GPR155: variants seen among roughly 807,000 people sequenced by gnomAD.
GPR155 encodes the protein lysosomal cholesterol signaling protein.
A neutral mutation model predicts 93.1 loss-of-function variants in GPR155; 65 were observed. The ratio of observed to expected loss-of-function variants is 0.70; its 90% CI spans 0.57 to 0.86. The LOEUF is 0.86. GPR155 is among the 40% of genes least tolerant of loss of function. The pLI is 0.00. For synonymous variants in GPR155, 319 were observed against 360.1 expected (o/e 0.89, Z 1.29); for missense variants, 838 against 1,034.8 (o/e 0.81, Z 2.61).
At chr2:174,467,797 G>A (rs1050227411) in intron 5 of GPR155, among the ~76,000 whole-genome samples, 1 of 152,088 alleles carries the variant, frequency 6.6e-6, no homozygotes, top group African/African-American at 2.4e-5. Flanking sequence ...GTGCAGTGGT[G>A]CGATCTCGGC....
rs562996474 is a variant in GPR155, at chr2:174,432,535, T to C, written c.*3581A>G. On this transcript the variant is annotated 3_prime_UTR_variant, in exon 16 of 16. Coordinates refer to ENST00000392552, the MANE Select transcript of GPR155 (RefSeq NM_152529.7). ...GCATGCATGTGAATTAACATCTTTATTACTGTAACTAGAAAAATCTCCTGG... is the reference window on the plus strand; with the variant it reads ...GCATGCATGTGAATTAACATCTTTACTACTGTAACTAGAAAAATCTCCTGG... 2.6e-5 allele frequency: 4 copies of C among 152,288 alleles called. No homozygotes were observed. Among genetic ancestry groups the C allele is most frequent in the Admixed American group, 2.0e-4 (3 of 15,296 alleles). 9.4% of individuals were successfully genotyped at this position (152,288 alleles called of 1,614,324 possible).
In GPR155 at chr2:174,445,064, T is replaced by C. The variant is rs34291465; in HGVS notation, c.2109+17A>G. On this transcript the variant is annotated intron_variant, in intron 13 of 15. Coordinates refer to ENST00000392552, the MANE Select transcript of GPR155 (RefSeq NM_152529.7). The stretch of plus-strand genomic sequence containing the variant: ...CAGGAAGACAAAAACCCCTCAAAGT[T>C]CTCCATAAATAAATACCTGACCAAA... 393,053 of 1,332,322 alleles carry C rather than the reference T, an allele frequency of 0.3. 63,451 individuals carry two copies. The highest frequency in any genetic ancestry group is 0.45 in the Middle Eastern group (2,488 of 5,518). The allele number at this position is 1,332,322 out of a possible 1,614,324, so 82.5% of individuals were successfully genotyped here.
At chr2:174,463,324 CT>C (rs1296387761) in intron 7 of GPR155, among the ~76,000 whole-genome samples, 4 of 152,106 alleles carry the variant, frequency 2.6e-5, no homozygotes, top group South Asian at 4.2e-4. Context: ...CCTCAGCCTC[CT>C]GAGTAGCTGG....
chr2:174,448,412 A>G (rs1479461159), intron 11 of GPR155, among the ~76,000 whole-genome samples: 2 of 152,204 alleles, frequency 1.3e-5, no homozygotes, highest in African/African-American at 4.8e-5. Context: ...GAATCCTAGA[A>G]GAAAACCTAG....
At chr2:174,447,048 A>T (rs1382488168) in intron 11 of GPR155, among the ~76,000 whole-genome samples, 1 of 152,092 alleles carries the variant, frequency 6.6e-6, no homozygotes, top group East Asian at 1.9e-4. Context: ...AAAATTATAC[A>T]TAATTTGCCT....
intron 10 of GPR155, among the ~76,000 whole-genome samples, chr2:174,458,456 C>A (rs981684594): frequency 6.6e-6 from 1 of 152,150 alleles, no homozygotes; most frequent in African/African-American, 2.4e-5. Context: ...TTAGGTAATA[C>A]CCACAATTAT....
intron 2 of GPR155, among the ~76,000 whole-genome samples, chr2:174,475,799 C>T (rs931745982): frequency 6.6e-6 from 1 of 152,124 alleles, no homozygotes; most frequent in African/African-American, 2.4e-5. Context: ...TGCCCACCAA[C>T]TTTTATAATA....
intron 7 of GPR155, 142 bp downstream of exon 7, chr2:174,465,643 C>A (rs906934770): frequency 1.9e-6 from 1 of 520,568 alleles, no homozygotes; most frequent in Admixed American, 3.4e-5. Flanking sequence ...TGCCGATGGC[C>A]TCTGTGGGTG....
At chr2:174,451,659 T>A (rs1687324751) in intron 11 of GPR155, among the ~76,000 whole-genome samples, 1 of 152,180 alleles carries the variant, frequency 6.6e-6, no homozygotes, top group African/African-American at 2.4e-5. Context: ...AATGATCAAC[T>A]TTTTGTTTGT....
chr2:174,435,989 A>G lies in GPR155; in HGVS notation c.*127T>C. ...ATGTGGTGGGAGCACATCTTTTCAC[A>G]TTTTACAGAAGAGACAACTGAGGCT... On this transcript the variant is annotated 3_prime_UTR_variant, in exon 16 of 16. Coordinates refer to ENST00000392552, the MANE Select transcript of GPR155 (RefSeq NM_152529.7). The G allele has an allele frequency of 5.7e-6, 4 of 699,974 alleles. No individual in the cohort carries two copies. In the East Asian group the frequency reaches 7.9e-5, roughly 14 times the overall value. The allele number at this position is 699,974 out of a possible 1,614,324, so 43.4% of individuals were successfully genotyped here.
intron 11 of GPR155, among the ~76,000 whole-genome samples, chr2:174,450,007 G>A (rs546172048): frequency 6.6e-5 from 10 of 151,864 alleles, no homozygotes; most frequent in South Asian, 2.1e-4. Flanking sequence ...TTAGCCAGGC[G>A]TGGTTGCACA....
At chr2:174,460,473 C>T (rs777046890) in intron 9 of GPR155, among the ~76,000 whole-genome samples, 18 of 151,986 alleles carry the variant, frequency 1.2e-4, no homozygotes, top group African/African-American at 2.4e-4. Context: ...TCTTAGGGCA[C>T]GTTTTTGATG....
intron 7 of GPR155, among the ~76,000 whole-genome samples, chr2:174,463,538 G>C (rs1163499715): frequency 6.6e-6 from 1 of 152,160 alleles, no homozygotes; most frequent in Non-Finnish European, 1.5e-5. Flanking sequence ...TTTGAGTCAA[G>C]TGAAGGCCAA....
At chr2:174,448,531 T>TG (rs1687217119) in intron 11 of GPR155, among the ~76,000 whole-genome samples, 1 of 60,768 alleles carries the variant, frequency 1.6e-5, no homozygotes, top group East Asian at 3.7e-4. Flanking sequence ...TTGTTTTTTG[T>TG]TTTTTTTTTT....
rs1364606703 is a variant in GPR155, at chr2:174,461,433, A to G, written c.1529T>C (p.Ile510Thr). Residue 510 changes from isoleucine to threonine, a missense_variant, in exon 9 of 16, where the codon ATT (isoleucine) becomes ACT (threonine). Ile to Thr is a moderately conservative substitution (Grantham distance 89). This residue lies in a region of GPR155 where 663 missense variants were observed against 790.1 expected (regional missense o/e 0.84). Transcript: ENST00000392552. ...LITGKHNGDS[I>T]DSAFFYGKEQ... Reference sequence around the variant, plus strand: ...TTTTCCATAAAAGAAGGCTGAGTCAATGCTATCTCCATTGTGTTTTCCAGT... The same window carrying G: ...TTTTCCATAAAAGAAGGCTGAGTCAGTGCTATCTCCATTGTGTTTTCCAGT... 1 of 1,613,444 alleles carries G rather than the reference A, an allele frequency of 6.2e-7. No individual in the cohort carries two copies. The highest frequency in any genetic ancestry group is 1.3e-5 in the African/African-American group (1 of 75,046).
At chr2:174,479,623 C>T (rs781227880) in intron 2 of GPR155, among the ~76,000 whole-genome samples, 100 of 152,284 alleles carry the variant, frequency 6.6e-4, no homozygotes, top group African/African-American at 2.0e-3. Context: ...ATTTCATTAT[C>T]GGCTCACTAA....
At chr2:174,478,459 A>G (rs1389791098) in intron 2 of GPR155, among the ~76,000 whole-genome samples, 1 of 152,048 alleles carries the variant, frequency 6.6e-6, no homozygotes, top group African/African-American at 2.4e-5. Context: ...GACTTAAGGA[A>G]TCCCTCTGTC....
chr2:174,481,782 C>CTA lies in GPR155; in HGVS notation c.173_174dup (p.Ala59Ter), dbSNP rs1362862995. 2.5e-6 allele frequency: 4 copies of CTA among 1,614,074 alleles called. No homozygotes were observed. The highest frequency in any genetic ancestry group is 3.4e-6 in the Non-Finnish European group (4 of 1,180,044). On this transcript the variant is annotated frameshift_variant, in exon 2 of 16. Coordinates refer to ENST00000392552, the MANE Select transcript of GPR155 (RefSeq NM_152529.7). LOFTEE classifies it high-confidence loss of function. ...GATGTTATGACATTGGCCCTTCCTG[C>CTA]TATGTAGCCACAAAGGACAATGCCA...
At chr2:174,483,425 A>G (rs1688386550) in intron 1 of GPR155, among the ~76,000 whole-genome samples, 1 of 152,250 alleles carries the variant, frequency 6.6e-6, no homozygotes, top group Non-Finnish European at 1.5e-5. Flanking sequence ...AGAGGTTCAG[A>G]AAATGCTAAA....
Sources: allele counts gnomAD v4.1 joint callset (sites outside exome capture counted in the v4.1 genomes callset), GRCh38; gene constraint gnomAD v4.1.1; regional missense constraint gnomAD v4.1.1; transcripts MANE v1.5; gene names NCBI Gene and HGNC (gene_info 2026-07-23, HGNC 2026-07-21).